Variants in GPHN observed in about 807,000 individuals in gnomAD.
The protein encoded by GPHN is gephyrin.
A neutral mutation model predicts 95.5 loss-of-function variants in GPHN; 17 were observed. That is an observed-to-expected ratio of 0.18 (90% CI 0.12 to 0.27). The LOEUF (loss-of-function observed/expected upper bound fraction) is 0.27, where lower values mean the gene tolerates loss of function less well. GPHN is among the 10% of genes least tolerant of loss of function. The probability of loss-of-function intolerance (pLI) is 1.00; values close to 1 mark genes in which losing one functional copy is unlikely to be tolerated. For synonymous variants in GPHN, 320 were observed against 322.5 expected, an observed-to-expected ratio of 0.99 and a Z score of 0.08; for missense variants, 660 against 978.1, an observed-to-expected ratio of 0.67 and a Z score of 4.34.
At chr14:67,660,024 A>G in the GPHN span, 3 of 1,183,850 alleles carry the variant, frequency 2.5e-6, no homozygotes, top group South Asian at 4.8e-5. Flanking sequence ...TATTTGGACT[A>G]CACCAAGTAA....
At chr14:67,536,717 C>T in the GPHN span, among the ~76,000 whole-genome samples, 4 of 151,904 alleles carry the variant, frequency 2.6e-5, no homozygotes, top group African/African-American at 9.7e-5. Flanking sequence ...CAATCTTGCA[C>T]ACAGGACTCA....
intron 1 of GPHN, among the ~76,000 whole-genome samples, chr14:66,581,819 G>A (rs774432063): frequency 6.6e-6 from 1 of 151,914 alleles, no homozygotes; most frequent in Non-Finnish European, 1.5e-5. Flanking sequence ...ATAATGTAAA[G>A]GGGTCAATTT....
chr14:66,949,957 G>T (rs1342620829), intron 8 of GPHN, among the ~76,000 whole-genome samples: 1 of 134,246 alleles, frequency 7.4e-6, no homozygotes, highest in Admixed American at 8.3e-5. Context: ...TCTTTTAAAA[G>T]TGCCTGCCCA....
At chr14:66,691,638 AGAT>A (rs1356508608) in intron 2 of GPHN, among the ~76,000 whole-genome samples, 1 of 152,204 alleles carries the variant, frequency 6.6e-6, no homozygotes, top group Non-Finnish European at 1.5e-5. Flanking sequence ...ATAATAGCAG[AGAT>A]GATAAGTTGT....
chr14:67,625,687 A>C, the GPHN span, among the ~76,000 whole-genome samples: 1 of 149,994 alleles, frequency 6.7e-6, no homozygotes, highest in African/African-American at 2.4e-5. Flanking sequence ...TCTCAAAAAA[A>C]AAAAAAAAAA....
chr14:67,109,362 G>A (rs544668316), intron 13 of GPHN, among the ~76,000 whole-genome samples: 9 of 152,274 alleles, frequency 5.9e-5, no homozygotes, highest in African/African-American at 1.9e-4. Flanking sequence ...CCTGACAAGT[G>A]ACTTTCAGAT....
chr14:66,895,229 A>AC (rs2064771769), intron 5 of GPHN, among the ~76,000 whole-genome samples: 1 of 152,218 alleles, frequency 6.6e-6, no homozygotes, highest in African/African-American at 2.4e-5. Flanking sequence ...GAAGCTGGAA[A>AC]CCAACATTCT....
chr14:67,049,393 A>G (rs984088699), intron 10 of GPHN, among the ~76,000 whole-genome samples: 2 of 151,302 alleles, frequency 1.3e-5, no homozygotes, highest in South Asian at 2.1e-4. Flanking sequence ...ACACCCGGCT[A>G]ATTTTTTTGT....
intron 4 of GPHN, among the ~76,000 whole-genome samples, chr14:66,836,890 T>C (rs1362901557): frequency 6.6e-6 from 1 of 150,990 alleles, no homozygotes; most frequent in Non-Finnish European, 1.5e-5. Context: ...AAAACCACAA[T>C]GAGATACCAT....
At chr14:67,609,753 A>G in the GPHN span, among the ~76,000 whole-genome samples, 1 of 152,182 alleles carries the variant, frequency 6.6e-6, no homozygotes, top group East Asian at 1.9e-4. Flanking sequence ...AACCAAGGAC[A>G]AAAGGCCAAT....
chr14:66,563,036 T>C (rs753027532), intron 1 of GPHN, among the ~76,000 whole-genome samples: 24 of 152,132 alleles, frequency 1.6e-4, no homozygotes, highest in Admixed American at 7.9e-4. Context: ...TCGACAGCTT[T>C]CGTGGGGAGA....
chr14:67,150,461 A>AC (rs1340126455), intron 18 of GPHN, among the ~76,000 whole-genome samples: 5,521 of 149,504 alleles, frequency 0.037, 145 homozygotes, highest in Non-Finnish European at 0.051. Flanking sequence ...AACAAAAAAA[A>AC]AAAAAAAAAA....
At chr14:66,863,848 T>A (rs1196707428) in intron 4 of GPHN, among the ~76,000 whole-genome samples, 2 of 152,122 alleles carry the variant, frequency 1.3e-5, no homozygotes, top group South Asian at 4.1e-4. Context: ...ATCTAAGACC[T>A]CAAAACTGTG....
chr14:66,720,638 C>G (rs183293373), intron 2 of GPHN, among the ~76,000 whole-genome samples: 129 of 152,248 alleles, frequency 8.5e-4, no homozygotes, highest in Admixed American at 1.7e-3. Context: ...ATCATACTCA[C>G]TAATGGTTTC....
chr14:66,704,505 A>G (rs2068875405), intron 2 of GPHN, among the ~76,000 whole-genome samples: 1 of 152,148 alleles, frequency 6.6e-6, no homozygotes, highest in African/African-American at 2.4e-5. Context: ...GGATTAAGAA[A>G]CTCACTCAAA....
chr14:67,041,787 C>T (rs923619269), intron 10 of GPHN, among the ~76,000 whole-genome samples: 5 of 152,132 alleles, frequency 3.3e-5, no homozygotes, highest in Admixed American at 1.3e-4. Flanking sequence ...TTTGATGAAT[C>T]GCCACACTGT....
Position 66,545,985 on chromosome 14 carries a change from C to CG in GPHN, c.64+37401dup, listed in dbSNP as rs542603182. On this transcript the variant is annotated intron_variant, in intron 1 of 22. Transcript: ENST00000478722. ...CCTCACTTCTCAGACGGGGCGGCTT[C>CG]GGGGGGGAGGGGCTCCTCACTTCTC... Among the ~76,000 whole-genome samples the CG allele has an allele frequency of 4.3e-3, 625 of 146,418 alleles. 8 individuals carry two copies. Among genetic ancestry groups the CG allele is most frequent in the African/African-American group, 0.015 (588 of 39,882 alleles).
chr14:67,617,249 T>C, the GPHN span: 1 of 152,264 alleles, frequency 6.6e-6, no homozygotes, highest in Non-Finnish European at 1.5e-5. Flanking sequence ...CAATCATGGC[T>C]CATAGGCATG....
chr14:66,858,556 G>C (rs2062891837), intron 4 of GPHN, among the ~76,000 whole-genome samples: 1 of 151,920 alleles, frequency 6.6e-6, no homozygotes. Flanking sequence ...GTGAGCCTCT[G>C]AGACATGCTG....
Sources: gnomAD v4.1 joint callset for allele counts (sites outside exome capture counted in the v4.1 genomes callset) on GRCh38, gnomAD v4.1.1 for gene constraint, MANE v1.5 for transcripts, NCBI Gene and HGNC (gene_info 2026-07-23, HGNC 2026-07-21) for gene names.